Variants in LMBRD2 observed in about 807,000 individuals in gnomAD.
LMBRD2 encodes the protein LMBR1 domain containing 2.
LMBRD2 carries 55 observed loss-of-function variants against 94.4 expected under a neutral mutation model. That is an observed-to-expected ratio of 0.58 (90% CI 0.47 to 0.73). The LOEUF is 0.73. LMBRD2 is among the 30% of genes least tolerant of loss of function. The pLI is 0.00. For missense variants in LMBRD2, 640 were observed against 831.9 expected (o/e 0.77, Z 2.84); for synonymous variants, 246 against 272.4 (o/e 0.90, Z 0.95).
intron 3 of LMBRD2, 71 bp from the exon 4 acceptor site, chr5:36,141,273 T>C: frequency 1.2e-6 from 1 of 844,700 alleles, no homozygotes; most frequent in African/African-American, 1.7e-5. Flanking sequence ...TTAATTTGCA[T>C]GTGGCCAAGT....
chr5:36,132,993 C>G (rs1274787502), intron 6 of LMBRD2, among the ~76,000 whole-genome samples: 1 of 137,836 alleles, frequency 7.3e-6, no homozygotes, highest in African/African-American at 2.8e-5. Context: ...GGAGGCCCCT[C>G]AAAAAAATTA....
chr5:36,142,453 C>A (rs771027975), intron 3 of LMBRD2, 49 bp downstream of exon 3: 4 of 1,078,076 alleles, frequency 3.7e-6, no homozygotes, highest in Non-Finnish European at 4.2e-6. Flanking sequence ...AATTTTTAAA[C>A]AATGTGTCCC....
intron 6 of LMBRD2, among the ~76,000 whole-genome samples, chr5:36,129,970 A>G (rs890805239): frequency 6.6e-5 from 10 of 152,142 alleles, no homozygotes; most frequent in African/African-American, 2.4e-4. Context: ...TCTCACTCAT[A>G]GGTGGGAACT....
chr5:36,119,101 G>A (rs1407949943), intron 9 of LMBRD2, among the ~76,000 whole-genome samples: 1 of 152,158 alleles, frequency 6.6e-6, no homozygotes, highest in Non-Finnish European at 1.5e-5. Context: ...GTTAGCTTCT[G>A]GTTCACTGTA....
At chr5:36,144,186 G>T (rs1159362905) in intron 1 of LMBRD2, among the ~76,000 whole-genome samples, 10 of 152,078 alleles carry the variant, frequency 6.6e-5, no homozygotes, top group Admixed American at 6.5e-4. Flanking sequence ...ACTCAAAAAA[G>T]TTAGAGTATA....
Position 36,114,988 on chromosome 5 carries a change from GGAATTCTATTTT to G in LMBRD2, c.1542+15_1542+26del, listed in dbSNP as rs1561513523. 7.1e-7 allele frequency: 1 copy of G among 1,403,440 alleles called. No individual in the cohort carries two copies. The highest frequency in any genetic ancestry group is 1.8e-5 in the Admixed American group (1 of 56,404). 86.9% of individuals were successfully genotyped at this position (1,403,440 alleles called of 1,614,324 possible). On this transcript the variant is annotated intron_variant, in intron 12 of 17. Transcript: ENST00000296603. Reference sequence around the variant, plus strand: ...CACCTCATATAGATAGTGAACCTAAGGAATTCTATTTTCTGACCGTACTTACAGATGTATAAG... The same window carrying G: ...CACCTCATATAGATAGTGAACCTAAGCTGACCGTACTTACAGATGTATAAG...
intron 11 of LMBRD2, among the ~76,000 whole-genome samples, chr5:36,116,118 T>G (rs986596072): frequency 6.6e-6 from 1 of 152,180 alleles, no homozygotes. Context: ...CCTCCTCAAC[T>G]CAGTGAGAGA....
At position 36,140,806 on chromosome 5, in the gene LMBRD2, A is replaced by G. The variant is rs144283042; in HGVS notation, c.368+301T>C. ...AAAAACAAAGAAGGAAAGTCTGGCA[A>G]TGTTGAGAGCCCAGTTGAATTTAAT... On this transcript the variant is annotated intron_variant, in intron 4 of 17. Coordinates refer to ENST00000296603, the MANE Select transcript of LMBRD2 (RefSeq NM_001007527.2). 4.2e-3 allele frequency among the ~76,000 whole-genome samples: 641 copies of G among 152,348 alleles called. 7 individuals carry two copies. Among genetic ancestry groups the G allele is most frequent in the African/African-American group, 2.5e-3 (105 of 41,586 alleles).
intron 1 of LMBRD2, chr5:36,148,068 G>A: frequency 5.2e-6 from 1 of 194,004 alleles, no homozygotes; most frequent in Non-Finnish European, 1.2e-5. Context: ...TCCTAATTAT[G>A]AAAAATCAAA....
Position 36,099,460 on chromosome 5 carries a change from TAC to T in LMBRD2, c.*4584_*4585del, listed in dbSNP as rs2111826919. 1 of 152,254 alleles carries T rather than the reference TAC, an allele frequency of 6.6e-6. No homozygotes were observed. Among genetic ancestry groups the T allele is most frequent in the South Asian group, 2.1e-4 (1 of 4,832 alleles). The allele number at this position is 152,254 out of a possible 1,614,324, so 9.4% of individuals were successfully genotyped here. On this transcript the variant is annotated 3_prime_UTR_variant, in exon 18 of 18. Transcript: ENST00000296603. ...CATTGGATTGCTTTTAAAAAATATATACACAGTCTCTCCCCTACAACTTGGTA... is the reference window on the plus strand; with the variant it reads ...CATTGGATTGCTTTTAAAAAATATATACAGTCTCTCCCCTACAACTTGGTA...
At chr5:36,127,323 G>A (rs1376403770) in intron 6 of LMBRD2, among the ~76,000 whole-genome samples, 1 of 152,170 alleles carries the variant, frequency 6.6e-6, no homozygotes. Flanking sequence ...GAGCAAGATG[G>A]CTGAACAGAA....
At chr5:36,123,567 A>G (rs1465356184) in intron 7 of LMBRD2, among the ~76,000 whole-genome samples, 2 of 152,030 alleles carry the variant, frequency 1.3e-5, no homozygotes, top group Admixed American at 6.5e-5. Context: ...TAGGAAAATA[A>G]ATGTTTCCAT....
At chr5:36,122,588 C>A in intron 8 of LMBRD2, 125 bp from the exon 9 acceptor site, 1 of 902,722 alleles carries the variant, frequency 1.1e-6, no homozygotes, top group Non-Finnish European at 1.7e-6. Context: ...CTGGGTCAGG[C>A]TGAGAATATT....
intron 4 of LMBRD2, among the ~76,000 whole-genome samples, chr5:36,140,212 G>A (rs1207653611): frequency 2.0e-5 from 3 of 152,192 alleles, no homozygotes; most frequent in Non-Finnish European, 4.4e-5. Context: ...TCACAGAGCC[G>A]ACACCTGTGC....
chr5:36,099,803 G>A lies in LMBRD2; in HGVS notation c.*4243C>T, dbSNP rs1381228389. On this transcript the variant is annotated 3_prime_UTR_variant, in exon 18 of 18. Coordinates refer to ENST00000296603, the MANE Select transcript of LMBRD2 (RefSeq NM_001007527.2). Reference sequence around the variant, plus strand: ...TCTTTTAGGATATTGATGAGAAGAGGAACATGCCAATATCCTTGCTTTATT... The same window carrying A: ...TCTTTTAGGATATTGATGAGAAGAGAAACATGCCAATATCCTTGCTTTATT... 6.6e-6 allele frequency: 1 copy of A among 152,078 alleles called. No individual in the cohort carries two copies. The highest frequency in any genetic ancestry group is 2.1e-4 in the South Asian group (1 of 4,826). 9.4% of individuals were successfully genotyped at this position (152,078 alleles called of 1,614,324 possible).
intron 4 of LMBRD2, among the ~76,000 whole-genome samples, chr5:36,139,447 G>A (rs1302978576): frequency 6.6e-6 from 1 of 152,228 alleles, no homozygotes; most frequent in African/African-American, 2.4e-5. Flanking sequence ...CTGGGCAGAA[G>A]TGGGCAGGTC....
rs182965767 is a variant in LMBRD2 at position 36,105,816 on chromosome 5, C to T, written c.1898-619G>A. Among the ~76,000 whole-genome samples, 389 of 152,228 alleles carry T rather than the reference C, an allele frequency of 2.6e-3. 2 individuals are homozygous for T. The highest frequency in any genetic ancestry group is 8.8e-3 in the African/African-American group (367 of 41,556). On this transcript the variant is annotated intron_variant, in intron 16 of 17. Coordinates refer to ENST00000296603, the MANE Select transcript of LMBRD2 (RefSeq NM_001007527.2). ...ATAGCCACGTGTGGCTAATGATTAT[C>T]ATACCAGACAGCAGATAAAGAAAAC...
intron 1 of LMBRD2, among the ~76,000 whole-genome samples, chr5:36,150,686 G>C: frequency 6.6e-6 from 1 of 152,188 alleles, no homozygotes; most frequent in East Asian, 1.9e-4. Context: ...GAACGGCTTA[G>C]CCTAGGATTC....
At position 36,109,626 on chromosome 5, in the gene LMBRD2, A is replaced by T. The variant is rs1743556083; in HGVS notation, c.1791+319T>A. On this transcript the variant is annotated intron_variant, in intron 15 of 17. Coordinates refer to ENST00000296603, the MANE Select transcript of LMBRD2 (RefSeq NM_001007527.2). Reference sequence around the variant, plus strand: ...AAGAGAAACAATTTTAAAGCAATCAAAACCACTTTAATAGCAAGAATACAC... The same window carrying T: ...AAGAGAAACAATTTTAAAGCAATCATAACCACTTTAATAGCAAGAATACAC... 2.0e-5 allele frequency among the ~76,000 whole-genome samples: 3 copies of T among 152,164 alleles called. No individual in the cohort carries two copies. In the South Asian group the frequency reaches 6.2e-4, roughly 32 times the overall value.
Sources: allele counts gnomAD v4.1 joint callset (sites outside exome capture counted in the v4.1 genomes callset), GRCh38; gene constraint gnomAD v4.1.1; transcripts MANE v1.5; gene names NCBI Gene and HGNC (gene_info 2026-07-23, HGNC 2026-07-21).